ATP9B: variants seen among roughly 807,000 people sequenced by gnomAD.
ATP9B encodes the protein probable phospholipid-transporting ATPase IIB.
ATP9B carries 110 observed loss-of-function variants against 146.1 expected under a neutral mutation model. The ratio of observed to expected loss-of-function variants is 0.75; its 90% confidence interval spans 0.65 to 0.88. The LOEUF (loss-of-function observed/expected upper bound fraction) is 0.88, where lower values mean the gene tolerates loss of function less well. Ranked by LOEUF, ATP9B falls within the 40% of genes least tolerant of loss-of-function variation. The pLI, the probability that ATP9B is intolerant of heterozygous loss-of-function variation, is 0.00. For missense variants in ATP9B, 1,499 were observed against 1,496.4 expected (o/e 1.00, Z -0.03); for synonymous variants, 604 against 569.7 (o/e 1.06, Z -0.86).
chr18:79,342,268 A>T lies in ATP9B; in HGVS notation c.2284A>T (p.Ile762Leu). ...LEMLRNAGIK[I>L]WMLTGDKLET... The stretch of plus-strand genomic sequence containing the variant: ...TTCACCAGTTTAAATTGTTCCCTAG[A>T]TATGGATGCTAACAGGCGATAAACT... The change falls in exon 20 of 30, where the codon ATA becomes TTA. Residue 762 changes from isoleucine (I) to leucine (L), a missense_variant and splice_region_variant. Transcript: ENST00000426216. 1 of 1,610,508 alleles carries T rather than the reference A, an allele frequency of 6.2e-7. No individual in the cohort carries two copies. The highest frequency in any genetic ancestry group is 1.7e-4 in the Middle Eastern group (1 of 6,048).
chr18:79,244,134 C>G (rs1040161388), intron 11 of ATP9B, among the ~76,000 whole-genome samples: 2 of 151,844 alleles, frequency 1.3e-5, no homozygotes, highest in African/African-American at 4.8e-5. Flanking sequence ...CCCACTACCC[C>G]CCCTCCGCCC....
intron 2 of ATP9B, among the ~76,000 whole-genome samples, chr18:79,107,651 C>T (rs1369492654): frequency 6.6e-6 from 1 of 152,220 alleles, no homozygotes; most frequent in Admixed American, 6.5e-5. Context: ...GTCTCCAAAA[C>T]ATGACTTTAA....
chr18:79,364,939 AG>A (rs2097017406), intron 26 of ATP9B, among the ~76,000 whole-genome samples: 2 of 152,050 alleles, frequency 1.3e-5, no homozygotes, highest in Non-Finnish European at 2.9e-5. Flanking sequence ...CTAAGGTGGA[AG>A]GATTGCTTGA....
chr18:79,292,928 C>T (rs948148382), intron 13 of ATP9B, among the ~76,000 whole-genome samples: 1 of 151,836 alleles, frequency 6.6e-6, no homozygotes, highest in Non-Finnish European at 1.5e-5. Context: ...GGCAGCAGCT[C>T]CTGGTTTCAA....
chr18:79,085,341 G>A (rs2073716883), intron 1 of ATP9B: 1 of 152,194 alleles, frequency 6.6e-6, no homozygotes, highest in Admixed American at 6.5e-5. Context: ...ATTTGCAGGG[G>A]ACACACATCC....
At chr18:79,269,886 G>A (rs1270069612) in intron 12 of ATP9B, among the ~76,000 whole-genome samples, 1 of 152,204 alleles carries the variant, frequency 6.6e-6, no homozygotes, top group African/African-American at 2.4e-5. Context: ...TCCCTGAGGC[G>A]CATCCTTGCC....
intron 9 of ATP9B, among the ~76,000 whole-genome samples, chr18:79,199,323 T>G (rs2095444087): frequency 6.6e-6 from 1 of 152,212 alleles, no homozygotes; most frequent in Admixed American, 6.5e-5. Context: ...CTTTAATTTT[T>G]AAAAAATCTT....
intron 9 of ATP9B, among the ~76,000 whole-genome samples, chr18:79,196,075 C>T (rs1285504715): frequency 6.6e-6 from 1 of 152,200 alleles, no homozygotes; most frequent in Non-Finnish European, 1.5e-5. Context: ...AAATGACCAG[C>T]TCCCCACAGT....
intron 11 of ATP9B, among the ~76,000 whole-genome samples, chr18:79,248,436 T>G (rs757403053): frequency 1.3e-5 from 2 of 152,248 alleles, no homozygotes; most frequent in Non-Finnish European, 2.9e-5. Flanking sequence ...GTTTCAAAGA[T>G]ACTTAAAAGA....
intron 9 of ATP9B, among the ~76,000 whole-genome samples, chr18:79,201,768 C>T (rs1339277783): frequency 2.6e-5 from 4 of 152,086 alleles, no homozygotes; most frequent in Non-Finnish European, 5.9e-5. Context: ...CGGGGTTTCA[C>T]CATATTGGTC....
At chr18:79,300,160 C>T (rs1382112189) in intron 13 of ATP9B, among the ~76,000 whole-genome samples, 1 of 152,112 alleles carries the variant, frequency 6.6e-6, no homozygotes, top group Non-Finnish European at 1.5e-5. Flanking sequence ...GAGGGCAGAG[C>T]GAAGGAGCTT....
At chr18:79,293,992 G>C (rs2096529689) in intron 13 of ATP9B, among the ~76,000 whole-genome samples, 1 of 152,082 alleles carries the variant, frequency 6.6e-6, no homozygotes, top group South Asian at 2.1e-4. Context: ...CCAAGCAGCA[G>C]TAAGAAGCAA....
intron 11 of ATP9B, among the ~76,000 whole-genome samples, chr18:79,218,941 G>A (rs2095653642): frequency 6.6e-6 from 1 of 152,108 alleles, no homozygotes; most frequent in Non-Finnish European, 1.5e-5. Flanking sequence ...GATTTCCCAG[G>A]GCTTTTACAC....
Position 79,191,473 on chromosome 18 carries a change from C to T in ATP9B, c.874-1710C>T, listed in dbSNP as rs140780498. Among the ~76,000 whole-genome samples, 18 of 152,194 alleles carry T rather than the reference C, an allele frequency of 1.2e-4. 1 individual carries two copies. Among genetic ancestry groups the T allele is most frequent in the South Asian group, 2.1e-4 (1 of 4,822 alleles). On this transcript the variant is annotated intron_variant, in intron 8 of 29. Transcript: ENST00000426216. ...CCAGTTACATGCATGTTAGACTCCG[C>T]GATATTCCCTTCATGGTTCTATGAC... is the stretch of plus-strand genomic sequence containing the variant.
intron 11 of ATP9B, among the ~76,000 whole-genome samples, chr18:79,220,461 C>T (rs982893391): frequency 6.6e-6 from 1 of 152,038 alleles, no homozygotes; most frequent in African/African-American, 2.4e-5. Flanking sequence ...ATTCCCTGGG[C>T]GTGGTGGCAT....
intron 20 of ATP9B, chr18:79,343,695 G>A (rs2096870608): frequency 6.4e-6 from 1 of 155,640 alleles, no homozygotes; most frequent in Non-Finnish European, 1.4e-5. Context: ...GCGATGATGT[G>A]TGGCGATGAG....
intron 1 of ATP9B, among the ~76,000 whole-genome samples, chr18:79,080,444 A>G (rs765135001): frequency 7.9e-5 from 12 of 151,988 alleles, no homozygotes; most frequent in Admixed American, 5.9e-4. Context: ...CTCTTTGTCT[A>G]TTGGTGTATA....
chr18:79,152,827 T>G (rs995682821), intron 6 of ATP9B, among the ~76,000 whole-genome samples: 2 of 152,208 alleles, frequency 1.3e-5, no homozygotes, highest in African/African-American at 4.8e-5. Context: ...GATTGGCAGT[T>G]TCATCTTTCT....
Position 79,374,005 on chromosome 18 carries a change from C to G in ATP9B, c.3178C>G (p.Leu1060Val). The stretch of plus-strand genomic sequence containing the variant: ...CCTGACCGAGCTGCTGATGGTGGCG[C>G]TGACCGTCCGCACGTGGCACTGGCT... ...LILTELLMVA[L>V]TVRTWHWLMV... The change falls in exon 28 of 30, where the codon CTG becomes GTG. Residue 1060 changes from leucine (L) to valine (V), a missense_variant. Transcript: ENST00000426216. 6.2e-7 allele frequency: 1 copy of G among 1,614,172 alleles called. No homozygotes were observed. Among genetic ancestry groups the G allele is most frequent in the Non-Finnish European group, 8.5e-7 (1 of 1,180,044 alleles).
Sources: allele counts gnomAD v4.1 joint callset (sites outside exome capture counted in the v4.1 genomes callset), GRCh38; gene constraint gnomAD v4.1.1; transcripts MANE v1.5; gene names NCBI Gene and HGNC (gene_info 2026-07-23, HGNC 2026-07-21).